Variants in SHROOM3 observed in about 807,000 individuals in gnomAD.
SHROOM3 encodes protein Shroom3.
A neutral mutation model predicts 138.6 loss-of-function variants in SHROOM3; 47 were observed. The ratio of observed to expected loss-of-function variants is 0.34; its 90% CI spans 0.27 to 0.43. The LOEUF is 0.43. Ranked by LOEUF, SHROOM3 falls within the 20% of genes least tolerant of loss-of-function variation. The pLI is 1.00. For synonymous variants in SHROOM3, 1,062 were observed against 1,063.3 expected (o/e 1.00, Z 0.02); for missense variants, 2,491 against 2,596.5 (o/e 0.96, Z 0.88).
At chr4:76,748,443 C>T (rs572194094) in intron 5 of SHROOM3, among the ~76,000 whole-genome samples, 4 of 152,112 alleles carry the variant, frequency 2.6e-5, no homozygotes, top group Middle Eastern at 6.8e-3. Flanking sequence ...CCAGTATATA[C>T]CCTCATTAAA....
chr4:76,619,827 C>T (rs573340493), intron 2 of SHROOM3, among the ~76,000 whole-genome samples: 16 of 152,060 alleles, frequency 1.1e-4, no homozygotes, highest in African/African-American at 3.1e-4. Flanking sequence ...TCTGGGAGGC[C>T]GAGGCGGGTG....
chr4:76,473,550 A>G (rs189797952), intron 1 of SHROOM3, among the ~76,000 whole-genome samples: 1 of 152,320 alleles, frequency 6.6e-6, no homozygotes, highest in Non-Finnish European at 1.5e-5. Flanking sequence ...TTAAAGTTGC[A>G]GTGAGCTATG....
At chr4:76,536,845 G>A (rs540160518) in intron 1 of SHROOM3, among the ~76,000 whole-genome samples, 1 of 152,306 alleles carries the variant, frequency 6.6e-6, no homozygotes, top group African/African-American at 2.4e-5. Flanking sequence ...GGGCGTGATG[G>A]CTCACACCTG....
chr4:76,622,809 G>T (rs1735038287), intron 2 of SHROOM3, among the ~76,000 whole-genome samples: 1 of 152,102 alleles, frequency 6.6e-6, no homozygotes, highest in Non-Finnish European at 1.5e-5. Flanking sequence ...GCAAAGCTGG[G>T]TTTTTTCTTC....
intron 1 of SHROOM3, among the ~76,000 whole-genome samples, chr4:76,462,915 C>T (rs1247658544): frequency 2.0e-5 from 3 of 152,264 alleles, no homozygotes; most frequent in Middle Eastern, 6.8e-3. Flanking sequence ...ATAAACTACC[C>T]AGACTCAGGT....
chr4:76,462,349 G>A (rs1444231914), intron 1 of SHROOM3, among the ~76,000 whole-genome samples: 4 of 151,902 alleles, frequency 2.6e-5, no homozygotes, highest in Admixed American at 6.6e-5. Flanking sequence ...TCTAGCCTGG[G>A]TGACAGAGTG....
intron 1 of SHROOM3, among the ~76,000 whole-genome samples, chr4:76,532,600 C>T (rs1378288353): frequency 2.0e-5 from 3 of 152,144 alleles, no homozygotes; most frequent in Non-Finnish European, 4.4e-5. Flanking sequence ...ATGCCTTTTC[C>T]ATCTTAACTC....
intron 1 of SHROOM3, among the ~76,000 whole-genome samples, chr4:76,441,152 TGGC>T (rs2109963825): frequency 7.4e-6 from 1 of 134,494 alleles, no homozygotes; most frequent in South Asian, 2.5e-4. Flanking sequence ...TGCAGTGCAG[TGGC>T]GCGATCTCGG....
At chr4:76,644,566 G>GT (rs1560577886) in intron 2 of SHROOM3, among the ~76,000 whole-genome samples, 57 of 149,526 alleles carry the variant, frequency 3.8e-4, no homozygotes, top group East Asian at 2.8e-3. Context: ...GGACATACGG[G>GT]GTTTTTTTTT....
rs111393161 is a variant in SHROOM3, at chr4:76,503,167, C to CCACA, written c.169-52415_169-52412dup. ...TATTTTAGAAATAGTTTGTCAACTTCCACACACACACACACACACACACAC... is the reference window on the plus strand; with the variant it reads ...TATTTTAGAAATAGTTTGTCAACTTCCACACACACACACACACACACACACACAC... On this transcript the variant is annotated intron_variant, in intron 1 of 10. Coordinates refer to ENST00000296043, the MANE Select transcript of SHROOM3 (RefSeq NM_020859.4). Among the ~76,000 whole-genome samples the CCACA allele has an allele frequency of 3.1e-4, 45 of 145,930 alleles. 1 individual carries two copies. Among genetic ancestry groups the CCACA allele is most frequent in the African/African-American group, 5.3e-4 (21 of 39,424 alleles).
intron 2 of SHROOM3, chr4:76,645,502 A>G (rs1478273895): frequency 6.6e-6 from 1 of 152,260 alleles, no homozygotes; most frequent in Non-Finnish European, 1.5e-5. Context: ...TACCCCACCC[A>G]GCACAACACA....
intron 2 of SHROOM3, among the ~76,000 whole-genome samples, chr4:76,574,511 A>G (rs986064441): frequency 6.6e-6 from 1 of 152,066 alleles, no homozygotes; most frequent in Non-Finnish European, 1.5e-5. Context: ...CCTCTCTACC[A>G]ACGCCTTTCT....
At chr4:76,597,107 G>A (rs1195933117) in intron 2 of SHROOM3, among the ~76,000 whole-genome samples, 2 of 152,182 alleles carry the variant, frequency 1.3e-5, no homozygotes, top group Non-Finnish European at 2.9e-5. Flanking sequence ...TATCTGCCAA[G>A]TCTTTCCTAA....
chr4:76,492,283 A>C (rs1731869858), intron 1 of SHROOM3, among the ~76,000 whole-genome samples: 1 of 152,200 alleles, frequency 6.6e-6, no homozygotes, highest in Non-Finnish European at 1.5e-5. Context: ...TCAGTGATGG[A>C]TGTGCACTAA....
intron 1 of SHROOM3, among the ~76,000 whole-genome samples, chr4:76,498,896 A>G (rs1732026026): frequency 6.6e-6 from 1 of 152,204 alleles, no homozygotes; most frequent in Non-Finnish European, 1.5e-5. Context: ...TATAGAAGGC[A>G]GTTTCACCAG....
intron 1 of SHROOM3, among the ~76,000 whole-genome samples, chr4:76,516,596 G>GA (rs926970123): frequency 1.9e-4 from 29 of 149,920 alleles, no homozygotes; most frequent in African/African-American, 7.1e-4. Context: ...GCATGATTTA[G>GA]AAAAAAAAAA....
At position 76,558,133 on chromosome 4, in the gene SHROOM3, G is replaced by C. The variant is rs1233224719; in HGVS notation, c.323+2370G>C. ...GTGGTGATAGATTGGCCTCTGGAAAGGGCTGCTCTGTTTCCTGCTATGAAG... is the reference window on the plus strand; with the variant it reads ...GTGGTGATAGATTGGCCTCTGGAAACGGCTGCTCTGTTTCCTGCTATGAAG... On this transcript the variant is annotated intron_variant, in intron 2 of 10. Coordinates refer to ENST00000296043, the MANE Select transcript of SHROOM3 (RefSeq NM_020859.4). 3.9e-5 allele frequency among the ~76,000 whole-genome samples: 6 copies of C among 152,164 alleles called. No individual in the cohort carries two copies. The East Asian group carries it at 1.2e-3, about 29-fold the overall frequency.
intron 2 of SHROOM3, among the ~76,000 whole-genome samples, chr4:76,582,387 A>G (rs2110044209): frequency 6.6e-6 from 1 of 152,238 alleles, no homozygotes; most frequent in African/African-American, 2.4e-5. Context: ...AAAAAAAAAA[A>G]TGAGCAAAGA....
At chr4:76,509,457 G>A (rs1236736421) in intron 1 of SHROOM3, 1 of 152,186 alleles carries the variant, frequency 6.6e-6, no homozygotes, top group Non-Finnish European at 1.5e-5. Flanking sequence ...GGGCGTCCAG[G>A]TCAGGACCTT....
Sources: allele counts gnomAD v4.1 joint callset (sites outside exome capture counted in the v4.1 genomes callset), GRCh38; gene constraint gnomAD v4.1.1; transcripts MANE v1.5; gene names NCBI Gene and HGNC (gene_info 2026-07-23, HGNC 2026-07-21).